CENPQ: variants seen among roughly 807,000 people sequenced by gnomAD.
CENPQ encodes chromosome 6 open reading frame 139.
A neutral mutation model predicts 36.6 loss-of-function variants in CENPQ; 27 were observed. The observed-to-expected ratio is 0.74, with a 90% CI of 0.54 to 1.02. The LOEUF (loss-of-function observed/expected upper bound fraction) is 1.02. CENPQ is among the 50% of genes least tolerant of loss of function. CENPQ has a pLI of 0.00. For missense variants in CENPQ, 306 were observed against 301.8 expected, an observed-to-expected ratio of 1.01 and a Z score of -0.10; for synonymous variants, 101 against 101.7, an observed-to-expected ratio of 0.99 and a Z score of 0.04.
chr6:49,482,398 A>G (rs1238832767), intron 6 of CENPQ, among the ~76,000 whole-genome samples: 1 of 152,090 alleles, frequency 6.6e-6, no homozygotes, highest in East Asian at 1.9e-4. Context: ...TCCCCCCTCT[A>G]AACAGGACAT....
intron 6 of CENPQ, among the ~76,000 whole-genome samples, chr6:49,481,965 C>T (rs1002814288): frequency 6.6e-6 from 1 of 152,192 alleles, no homozygotes; most frequent in African/African-American, 2.4e-5. Context: ...TGAGCCCTGC[C>T]CCACAGGGAG....
chr6:49,491,997 A>C lies in CENPQ; in HGVS notation c.676-147A>C, dbSNP rs184705574. 353 of 632,518 alleles carry C rather than the reference A, an allele frequency of 5.6e-4. 7 individuals carry two copies. The East Asian group carries it at 8.2e-3, about 15-fold the overall frequency. 39.2% of individuals were successfully genotyped at this position (632,518 alleles called of 1,614,324 possible). On this transcript the variant is annotated intron_variant, in intron 8 of 8. Transcript: ENST00000335783. Reference sequence around the variant, plus strand: ...GCAGGATGGGGAGAGGGAGAGATAGATTTGAAAGAAGAATGGCGATTCGTT... The same window carrying C: ...GCAGGATGGGGAGAGGGAGAGATAGCTTTGAAAGAAGAATGGCGATTCGTT...
At position 49,481,538 on chromosome 6, in the gene CENPQ, C is replaced by G. The variant is rs376989024; in HGVS notation, c.477+458C>G. On this transcript the variant is annotated intron_variant, in intron 6 of 8. Coordinates refer to ENST00000335783, the MANE Select transcript of CENPQ (RefSeq NM_018132.4). Reference sequence around the variant, plus strand: ...CAGTAGCAAGATTTATTGCAAAGAGCGAAAGAACAAAGCTTCCACAGCATG... The same window carrying G: ...CAGTAGCAAGATTTATTGCAAAGAGGGAAAGAACAAAGCTTCCACAGCATG... 3.1e-3 allele frequency among the ~76,000 whole-genome samples: 469 copies of G among 152,178 alleles called. 2 individuals carry two copies. Among genetic ancestry groups the G allele is most frequent in the African/African-American group, 0.011 (444 of 41,524 alleles).
At chr6:49,481,928 G>T (rs1435594729) in intron 6 of CENPQ, among the ~76,000 whole-genome samples, 1 of 152,190 alleles carries the variant, frequency 6.6e-6, no homozygotes, top group Non-Finnish European at 1.5e-5. Context: ...GGAGGAGGGA[G>T]GCTCAGGCAT....
intron 8 of CENPQ, among the ~76,000 whole-genome samples, chr6:49,489,811 A>C (rs564448926): frequency 6.6e-6 from 1 of 152,320 alleles, no homozygotes; most frequent in East Asian, 1.9e-4. Context: ...AACATTTTCA[A>C]TGAGCAGTAA....
At chr6:49,463,701 C>T (rs554220678) in intron 1 of CENPQ, among the ~76,000 whole-genome samples, 2 of 152,276 alleles carry the variant, frequency 1.3e-5, no homozygotes, top group South Asian at 4.1e-4. Context: ...ATGGCTCATC[C>T]TCATTGCTAA....
chr6:49,475,146 C>T (rs1466209911), intron 5 of CENPQ, among the ~76,000 whole-genome samples: 2 of 151,552 alleles, frequency 1.3e-5, no homozygotes, highest in East Asian at 1.9e-4. Context: ...AATTTTAGAC[C>T]GATATCCCTG....
In CENPQ at chr6:49,483,477, G is replaced by A. The variant is rs111323221; in HGVS notation, c.477+2397G>A. Among the ~76,000 whole-genome samples the A allele has an allele frequency of 3.9e-5, 6 of 152,252 alleles. No homozygotes were observed. The East Asian group carries it at 5.8e-4, about 15-fold the overall frequency. On this transcript the variant is annotated intron_variant, in intron 6 of 8. Coordinates refer to ENST00000335783, the MANE Select transcript of CENPQ (RefSeq NM_018132.4). ...TGGGCACTGTGGAGCAGGGGGCGGC[G>A]CTCATGGGGGAGGCTCCTGCTGCAC...
chr6:49,477,337 G>A (rs1009391688), intron 5 of CENPQ, among the ~76,000 whole-genome samples: 23 of 149,198 alleles, frequency 1.5e-4, no homozygotes, highest in African/African-American at 4.2e-4. Flanking sequence ...ACCAAACACC[G>A]CATATTCTCA....
chr6:49,468,428 A>G (rs1768053930), intron 1 of CENPQ, among the ~76,000 whole-genome samples: 1 of 152,078 alleles, frequency 6.6e-6, no homozygotes, highest in African/African-American at 2.4e-5. Flanking sequence ...CCCCGTCTCT[A>G]CTAAAAATAC....
intron 6 of CENPQ, among the ~76,000 whole-genome samples, chr6:49,487,454 T>TAAA (rs759527083): frequency 4.1e-4 from 38 of 93,274 alleles, no homozygotes; most frequent in Admixed American, 1.3e-3. Flanking sequence ...TACCCTTTCT[T>TAAA]AAAAAAAAAA....
intron 8 of CENPQ, among the ~76,000 whole-genome samples, chr6:49,490,643 A>G (rs1245993418): frequency 6.6e-6 from 1 of 152,172 alleles, no homozygotes; most frequent in Non-Finnish European, 1.5e-5. Flanking sequence ...GGCCTTCCTC[A>G]CTAAACTTAG....
rs529275535 is a variant in CENPQ, at chr6:49,482,177, C to T, written c.477+1097C>T. On this transcript the variant is annotated intron_variant, in intron 6 of 8. Transcript: ENST00000335783. The stretch of plus-strand genomic sequence containing the variant: ...CCAGCTGGCCCGCAAGCACCGCGCG[C>T]AGCCCCGGTTCCCGCTCGCACCTCT... Among the ~76,000 whole-genome samples, 7 of 152,314 alleles carry T rather than the reference C, an allele frequency of 4.6e-5. No individual in the cohort carries two copies. In the East Asian group the frequency reaches 1.4e-3, roughly 30 times the overall value.
chr6:49,463,658 A>T (rs949100224), intron 1 of CENPQ, among the ~76,000 whole-genome samples: 2 of 152,178 alleles, frequency 1.3e-5, no homozygotes, highest in Admixed American at 6.5e-5. Flanking sequence ...GAGCAAAGCC[A>T]TGAATACTTC....
Position 49,486,026 on chromosome 6 carries a change from A to G in CENPQ, c.478-2326A>G, listed in dbSNP as rs537730126. Among the ~76,000 whole-genome samples, 203 of 152,330 alleles carry G rather than the reference A, an allele frequency of 1.3e-3. 2 individuals carry two copies. Among genetic ancestry groups the G allele is most frequent in the African/African-American group, 4.7e-3 (197 of 41,586 alleles). On this transcript the variant is annotated intron_variant, in intron 6 of 8. Transcript: ENST00000335783. Reference sequence around the variant, plus strand: ...AGGATCTCAAGATGAAGCATCCTGTATCGTCACGGGTACGTCCTAAATCCA... The same window carrying G: ...AGGATCTCAAGATGAAGCATCCTGTGTCGTCACGGGTACGTCCTAAATCCA...
At chr6:49,467,940 A>T (rs1768040044) in intron 1 of CENPQ, among the ~76,000 whole-genome samples, 1 of 152,192 alleles carries the variant, frequency 6.6e-6, no homozygotes, top group African/African-American at 2.4e-5. Context: ...GAAATCATCA[A>T]ATCTAGCTAG....
intron 1 of CENPQ, among the ~76,000 whole-genome samples, chr6:49,467,474 A>T (rs1768030234): frequency 6.6e-6 from 1 of 152,190 alleles, no homozygotes. Flanking sequence ...ATTTTCTGTA[A>T]ACCTAAAACT....
At chr6:49,464,032 C>G (rs1767933588) in intron 1 of CENPQ, among the ~76,000 whole-genome samples, 1 of 152,040 alleles carries the variant, frequency 6.6e-6, no homozygotes, top group South Asian at 2.1e-4. Flanking sequence ...TCCTGCCGTC[C>G]GAGTTTTACT....
chr6:49,488,391 A>C lies in CENPQ; in HGVS notation c.517A>C (p.Thr173Pro). Reference sequence around the variant, plus strand: ...AATGGTAGAGACCACAGAGTTAATGACTGGGAATATTCAGAGCCTAAAGAA... The same window carrying C: ...AATGGTAGAGACCACAGAGTTAATGCCTGGGAATATTCAGAGCCTAAAGAA... ...DKMVETTELM[T>P]GNIQSLKNKI... The change falls in exon 7 of 9, where the codon ACT becomes CCT. Residue 173 changes from threonine (T) to proline (P), a missense_variant. Coordinates refer to ENST00000335783, the MANE Select transcript of CENPQ (RefSeq NM_018132.4). 1.2e-6 allele frequency: 2 copies of C among 1,611,892 alleles called. No homozygotes were observed. The highest frequency in any genetic ancestry group is 1.7e-6 in the Non-Finnish European group (2 of 1,178,210).
Sources: gnomAD v4.1 joint callset for allele counts (sites outside exome capture counted in the v4.1 genomes callset) on GRCh38, gnomAD v4.1.1 for gene constraint, MANE v1.5 for transcripts, NCBI Gene and HGNC (gene_info 2026-07-23, HGNC 2026-07-21) for gene names.